Variants in LIMCH1 observed in about 807,000 individuals in gnomAD.
LIMCH1 encodes LIM and calponin homology domains-containing protein 1.
Under a neutral mutation model 176.5 loss-of-function variants are expected in LIMCH1, and 113 were observed. That is an observed-to-expected ratio of 0.64 (90% CI 0.55 to 0.75). The LOEUF is 0.75. LIMCH1 is among the 30% of genes least tolerant of loss of function. The pLI is 0.00. For missense variants in LIMCH1, 1,674 were observed against 1,814.9 expected, an observed-to-expected ratio of 0.92 and a Z score of 1.41; for synonymous variants, 619 against 645.9, an observed-to-expected ratio of 0.96 and a Z score of 0.63.
Position 41,473,172 on chromosome 4 carries a change from AT to A in LIMCH1, c.97-21363del, listed in dbSNP as rs1181843378. 4.1e-6 allele frequency: 4 copies of A among 985,256 alleles called. No individual in the cohort carries two copies. The African/African-American group carries it at 7.0e-5, about 17-fold the overall frequency. 61.0% of individuals were successfully genotyped at this position (985,256 alleles called of 1,614,324 possible). ...GTGTGAATCTTTTAAGGACCTGCCA[AT>A]ACCGAGAGTGAGAAGAGGAAAGGTG... is the stretch of plus-strand genomic sequence containing the variant. On this transcript the variant is annotated intron_variant, in intron 1 of 26. Transcript: ENST00000313860.
chr4:41,540,822 G>T (rs139375763), intron 1 of LIMCH1, among the ~76,000 whole-genome samples: 1 of 152,240 alleles, frequency 6.6e-6, no homozygotes, highest in East Asian at 1.9e-4. Context: ...ACCATATTCA[G>T]TGTTGAAACA....
rs113096573 is a variant in LIMCH1, at chr4:41,444,513, C to G, written c.97-50023C>G. 4.6e-3 allele frequency among the ~76,000 whole-genome samples: 700 copies of G among 152,214 alleles called. 6 individuals are homozygous for G. The highest frequency in any genetic ancestry group is 0.015 in the African/African-American group (619 of 41,544). ...TTGAACTATTTGGTTGGCGTCAGGC[C>G]GTGCCTGTGGTGTCTCTTCATTGGC... On this transcript the variant is annotated intron_variant, in intron 1 of 26. Transcript: ENST00000313860.
chr4:41,447,502 A>G lies in LIMCH1; in HGVS notation c.97-47034A>G, dbSNP rs557612389. 3.9e-5 allele frequency among the ~76,000 whole-genome samples: 6 copies of G among 152,358 alleles called. No individual in the cohort carries two copies. The South Asian group carries it at 1.2e-3, about 32-fold the overall frequency. On this transcript the variant is annotated intron_variant, in intron 1 of 26. Coordinates refer to the LIMCH1 transcript ENST00000313860. ...TTCATGGAATCTTCAAGGAAAACCA[A>G]ATATTCTTTTTTAATAAAGTAATGG...
At chr4:41,395,229 A>C (rs984911847) in intron 1 of LIMCH1, among the ~76,000 whole-genome samples, 1 of 130,914 alleles carries the variant, frequency 7.6e-6, no homozygotes, top group Non-Finnish European at 1.6e-5. Context: ...GTAGAAGTTA[A>C]TTTTTTTTTT....
At chr4:41,428,483 G>A (rs1375398111) in intron 1 of LIMCH1, among the ~76,000 whole-genome samples, 1 of 152,144 alleles carries the variant, frequency 6.6e-6, no homozygotes, top group Non-Finnish European at 1.5e-5. Flanking sequence ...AATTTCAAAT[G>A]AGAAGAGCTG....
At chr4:41,603,134 T>C (rs569695592) in intron 2 of LIMCH1, among the ~76,000 whole-genome samples, 1 of 152,296 alleles carries the variant, frequency 6.6e-6, no homozygotes, top group South Asian at 2.1e-4. Flanking sequence ...TACACTCCCT[T>C]CCCCCTCACC....
intron 2 of LIMCH1, 29 bp downstream of exon 2, chr4:41,599,055 G>A: frequency 7.3e-7 from 1 of 1,362,038 alleles, no homozygotes. Context: ...ATGTTTAAGG[G>A]AAACTCCTTT....
At chr4:41,549,533 T>G (rs373608921) in intron 1 of LIMCH1, among the ~76,000 whole-genome samples, 17 of 152,252 alleles carry the variant, frequency 1.1e-4, no homozygotes, top group African/African-American at 3.1e-4. Context: ...ACTATAGCAC[T>G]AGGAACAATA....
intron 1 of LIMCH1, among the ~76,000 whole-genome samples, chr4:41,580,160 A>G (rs2085174274): frequency 6.6e-6 from 1 of 152,180 alleles, no homozygotes; most frequent in South Asian, 2.1e-4. Flanking sequence ...CTATAGAACA[A>G]TCCTTAAGTG....
At chr4:41,559,034 G>A (rs765599102) in intron 1 of LIMCH1, among the ~76,000 whole-genome samples, 7 of 152,032 alleles carry the variant, frequency 4.6e-5, no homozygotes, top group Non-Finnish European at 8.8e-5. Context: ...CATTGTCTTC[G>A]TGGCTGAAAA....
intron 1 of LIMCH1, among the ~76,000 whole-genome samples, chr4:41,581,188 T>A (rs370595729): frequency 3.3e-5 from 5 of 152,178 alleles, no homozygotes; most frequent in African/African-American, 1.2e-4. Context: ...TGAGGGATAG[T>A]TGTCAAATAA....
At chr4:41,386,895 G>A (rs1371544166) in intron 1 of LIMCH1, among the ~76,000 whole-genome samples, 1 of 152,202 alleles carries the variant, frequency 6.6e-6, no homozygotes, top group Non-Finnish European at 1.5e-5. Context: ...ATTGTATGCT[G>A]TTTTCTTTAC....
At chr4:41,385,402 T>C (rs1169375536) in intron 1 of LIMCH1, among the ~76,000 whole-genome samples, 1 of 152,224 alleles carries the variant, frequency 6.6e-6, no homozygotes, top group African/African-American at 2.4e-5. Context: ...TTTTTTCTAA[T>C]GTTTTGAGTG....
At chr4:41,522,461 A>G (rs1251196405) in intron 2 of LIMCH1, among the ~76,000 whole-genome samples, 1 of 103,996 alleles carries the variant, frequency 9.6e-6, no homozygotes, top group Non-Finnish European at 1.8e-5. Context: ...ATTTTACTGT[A>G]TATCCTTTTG....
intron 1 of LIMCH1, among the ~76,000 whole-genome samples, chr4:41,410,263 A>T (rs1320808053): frequency 6.6e-6 from 1 of 152,144 alleles, no homozygotes; most frequent in African/African-American, 2.4e-5. Flanking sequence ...CTTTCCCAGG[A>T]GGCTGTGTTT....
chr4:41,423,348 TG>T (rs2060790871), intron 1 of LIMCH1, among the ~76,000 whole-genome samples: 1 of 152,166 alleles, frequency 6.6e-6, no homozygotes, highest in East Asian at 1.9e-4. Flanking sequence ...GAAAGAGTTT[TG>T]GGTGGTATGC....
intron 2 of LIMCH1, among the ~76,000 whole-genome samples, chr4:41,495,115 G>A (rs894079947): frequency 3.9e-5 from 6 of 152,166 alleles, no homozygotes; most frequent in African/African-American, 1.4e-4. Context: ...TAACTACAGT[G>A]TTTAATTTTT....
intron 1 of LIMCH1, among the ~76,000 whole-genome samples, chr4:41,555,898 T>C (rs1403466526): frequency 6.6e-6 from 1 of 152,078 alleles, no homozygotes; most frequent in Non-Finnish European, 1.5e-5. Context: ...TTTGCTACTG[T>C]GTCTGGTTAA....
intron 1 of LIMCH1, among the ~76,000 whole-genome samples, chr4:41,572,646 A>C (rs2083744706): frequency 6.6e-6 from 1 of 152,222 alleles, no homozygotes; most frequent in Non-Finnish European, 1.5e-5. Context: ...GAAAACACAG[A>C]AAGGAATAAT....
Sources: allele counts gnomAD v4.1 joint callset (sites outside exome capture counted in the v4.1 genomes callset), GRCh38; gene constraint gnomAD v4.1.1; transcripts MANE v1.5; gene names NCBI Gene and HGNC (gene_info 2026-07-23, HGNC 2026-07-21).